The following SKAP1 variants were observed in gnomAD, a reference collection of about 807,000 sequenced individuals.
SKAP1 encodes src kinase-associated phosphoprotein 1.
Under a neutral mutation model 58.5 loss-of-function variants are expected in SKAP1, and 44 were observed. That is an observed-to-expected ratio of 0.75 (90% CI 0.59 to 0.97). The LOEUF (loss-of-function observed/expected upper bound fraction) is 0.97. SKAP1 is among the 50% of genes least tolerant of loss of function. The pLI is 0.00. For missense variants in SKAP1, 390 were observed against 435.2 expected (o/e 0.90, Z 0.92); for synonymous variants, 127 against 149.7 (o/e 0.85, Z 1.11).
rs538895554 is a variant in SKAP1 at position 48,191,907 on chromosome 17, C to T, written c.281-2407G>A. The stretch of plus-strand genomic sequence containing the variant: ...TTCTAGGGTTCTTTCATTTCTCCTA[C>T]CCCTCTGAAAACACCCTCCAAGGAA... On this transcript the variant is annotated intron_variant, in intron 4 of 12. Coordinates refer to ENST00000336915, the MANE Select transcript of SKAP1 (RefSeq NM_003726.4). 3.9e-3 allele frequency among the ~76,000 whole-genome samples: 587 copies of T among 152,302 alleles called. 1 individual carries two copies. The highest frequency in any genetic ancestry group is 6.2e-3 in the Non-Finnish European group (420 of 68,028).
intron 4 of SKAP1, chr17:48,307,377 T>C (rs1567861901): frequency 6.6e-6 from 1 of 152,284 alleles, no homozygotes; most frequent in Non-Finnish European, 1.5e-5. Context: ...TGGACCCTAC[T>C]TTATGGTTGC....
chr17:48,186,300 A>G (rs1476687537), intron 6 of SKAP1, among the ~76,000 whole-genome samples: 1 of 152,110 alleles, frequency 6.6e-6, no homozygotes, highest in African/African-American at 2.4e-5. Context: ...TCCTTCCCAA[A>G]CAGGGCTTTA....
At position 48,133,799 on chromosome 17, in the gene SKAP1, G is replaced by C. The variant is rs988319057; in HGVS notation, c.*25C>G. The C allele has an allele frequency of 1.3e-5, 2 of 152,452 alleles. No individual in the cohort carries two copies. Among genetic ancestry groups the C allele is most frequent in the African/African-American group, 4.8e-5 (2 of 41,442 alleles). The allele number at this position is 152,452 out of a possible 1,614,324, so 9.4% of individuals were successfully genotyped here. A position where few individuals can be genotyped will look rare whatever the true frequency, so the allele number is the denominator to read the frequency against. On this transcript the variant is annotated 3_prime_UTR_variant, in exon 13 of 13. Coordinates refer to ENST00000336915, the MANE Select transcript of SKAP1 (RefSeq NM_003726.4). ...TCAGTTTCCTCATAAAGGCAGGAGAGAGGGAAGAATATATTTCCTAAAGGA... is the reference window on the plus strand; with the variant it reads ...TCAGTTTCCTCATAAAGGCAGGAGACAGGGAAGAATATATTTCCTAAAGGA...
Position 48,168,164 on chromosome 17 carries a change from G to T in SKAP1, c.877+2445C>A, listed in dbSNP as rs187405792. ...AATCCCTTCCCCCCTATTCTGATAA[G>T]ATCTAGTTAGGCCTTCAGAATGTTA... On this transcript the variant is annotated intron_variant, in intron 10 of 12. Transcript: ENST00000336915. Among the ~76,000 whole-genome samples the T allele has an allele frequency of 5.3e-5, 8 of 152,174 alleles. No individual in the cohort carries two copies. The East Asian group carries it at 1.4e-3, about 26-fold the overall frequency.
chr17:48,417,181 C>T (rs2067741775), intron 1 of SKAP1, among the ~76,000 whole-genome samples: 1 of 152,154 alleles, frequency 6.6e-6, no homozygotes, highest in Admixed American at 6.5e-5. Flanking sequence ...AAGTCGTGGG[C>T]ATGTTCTGGT....
chr17:48,248,049 C>T (rs565168996), intron 4 of SKAP1, among the ~76,000 whole-genome samples: 74 of 152,186 alleles, frequency 4.9e-4, no homozygotes, highest in African/African-American at 1.6e-3. Flanking sequence ...ATTTCTGAAT[C>T]GATGAATGAA....
At chr17:48,432,302 G>A (rs564566216), upstream of SKAP1, among the ~76,000 whole-genome samples, 2 of 152,176 alleles carry the variant, frequency 1.3e-5, no homozygotes, top group Middle Eastern at 3.4e-3. Flanking sequence ...GGTGGTGCAC[G>A]CCTGTAATCC....
At chr17:48,350,550 G>T (rs2066785807) in intron 3 of SKAP1, among the ~76,000 whole-genome samples, 2 of 152,110 alleles carry the variant, frequency 1.3e-5, no homozygotes, top group Admixed American at 1.3e-4. Flanking sequence ...AAAAAAATTA[G>T]CCAGGAATGG....
At chr17:48,376,348 G>C (rs545121976) in intron 2 of SKAP1, among the ~76,000 whole-genome samples, 1 of 152,088 alleles carries the variant, frequency 6.6e-6, no homozygotes, top group Non-Finnish European at 1.5e-5. Context: ...TTATCTGATC[G>C]CACCATAGGA....
At chr17:48,294,782 G>C (rs1200935454) in intron 4 of SKAP1, among the ~76,000 whole-genome samples, 1 of 152,116 alleles carries the variant, frequency 6.6e-6, no homozygotes, top group Non-Finnish European at 1.5e-5. Context: ...TCACCTCCAT[G>C]TGATTTGACT....
At chr17:48,389,166 G>C (rs117561854) in intron 2 of SKAP1, among the ~76,000 whole-genome samples, 1 of 152,224 alleles carries the variant, frequency 6.6e-6, no homozygotes, top group Non-Finnish European at 1.5e-5. Flanking sequence ...CAACAACAAG[G>C]CACCAGCATC....
intron 1 of SKAP1, among the ~76,000 whole-genome samples, chr17:48,402,333 AT>A (rs71366872): frequency 0.052 from 7,573 of 146,762 alleles, 201 homozygotes; most frequent in Middle Eastern, 0.1. Context: ...TCATAGCAGC[AT>A]TTTTTTTTTT....
intron 4 of SKAP1, among the ~76,000 whole-genome samples, chr17:48,270,738 G>C (rs1418124598): frequency 1.3e-5 from 2 of 152,020 alleles, no homozygotes; most frequent in South Asian, 2.1e-4. Context: ...AAAAGGTCAA[G>C]GCTATTTTTT....
chr17:48,410,070 T>G (rs1290327877), intron 1 of SKAP1, among the ~76,000 whole-genome samples: 2 of 152,222 alleles, frequency 1.3e-5, no homozygotes, highest in Non-Finnish European at 2.9e-5. Flanking sequence ...AACACTGAAC[T>G]CTAGTCAATA....
At chr17:48,395,505 A>T (rs1390124880) in intron 2 of SKAP1, among the ~76,000 whole-genome samples, 1 of 152,090 alleles carries the variant, frequency 6.6e-6, no homozygotes, top group Non-Finnish European at 1.5e-5. Context: ...TTGTGAAATT[A>T]AAAAAAACTA....
intron 9 of SKAP1, among the ~76,000 whole-genome samples, chr17:48,172,077 CA>C (rs1324068398): frequency 6.6e-6 from 1 of 152,026 alleles, no homozygotes; most frequent in Non-Finnish European, 1.5e-5. Context: ...AAACAAAAAA[CA>C]AAAAACCCTC....
chr17:48,414,429 T>C (rs1487149295), intron 1 of SKAP1, among the ~76,000 whole-genome samples: 1 of 152,000 alleles, frequency 6.6e-6, no homozygotes, highest in African/African-American at 2.4e-5. Flanking sequence ...AAATTTCAAA[T>C]TGGAGGGCAG....
At chr17:48,289,414 G>C (rs986616317) in intron 4 of SKAP1, among the ~76,000 whole-genome samples, 5 of 152,002 alleles carry the variant, frequency 3.3e-5, no homozygotes, top group African/African-American at 1.2e-4. Context: ...GCACTGTACT[G>C]TTTAACTACA....
intron 4 of SKAP1, chr17:48,295,526 G>A (rs376117722): frequency 1.3e-5 from 2 of 151,654 alleles, no homozygotes; most frequent in Non-Finnish European, 1.5e-5. Flanking sequence ...TTTACAATAA[G>A]CTTGCCGTTT....
Sources: gnomAD v4.1 joint callset for allele counts (sites outside exome capture counted in the v4.1 genomes callset) on GRCh38, gnomAD v4.1.1 for gene constraint, MANE v1.5 for transcripts, NCBI Gene and HGNC (gene_info 2026-07-23, HGNC 2026-07-21) for gene names.